LHX5: variants seen among roughly 807,000 people sequenced by gnomAD.
The protein encoded by LHX5 is LIM/homeobox protein Lhx5.
LHX5 carries 5 observed loss-of-function variants against 30.6 expected under a neutral mutation model. That is an observed-to-expected ratio of 0.16 (90% CI 0.09 to 0.34). LHX5 has a LOEUF of 0.34. Ranked by LOEUF, LHX5 falls within the 10% of genes least tolerant of loss-of-function variation. The pLI is 1.00. For missense variants in LHX5, 458 were observed against 570.6 expected, an observed-to-expected ratio of 0.80 and a Z score of 2.01; for synonymous variants, 266 against 252.6, an observed-to-expected ratio of 1.05 and a Z score of -0.50.
In LHX5 at chr12:113,466,340, G is replaced by A. The variant is rs752553845; in HGVS notation, c.841+916C>T. Among the ~76,000 whole-genome samples, 1 of 152,158 alleles carries A rather than the reference G, an allele frequency of 6.6e-6. No individual in the cohort carries two copies. Among genetic ancestry groups the A allele is most frequent in the Non-Finnish European group, 1.5e-5 (1 of 68,010 alleles). ...GCAATGCGGCTCAGGGTAAGGAGCTGAAAAAATCGGATAGGGGGAGTTGGG... is the reference window on the plus strand; with the variant it reads ...GCAATGCGGCTCAGGGTAAGGAGCTAAAAAAATCGGATAGGGGGAGTTGGG... On this transcript the variant is annotated intron_variant, in intron 4 of 4. Transcript: ENST00000261731. The surrounding 1 kb of genome is among the most constrained non-coding windows in gnomAD (Gnocchi z 6.5).
intron 1 of LHX5, among the ~76,000 whole-genome samples, chr12:113,470,683 C>T (rs1261063754): frequency 6.6e-6 from 1 of 152,238 alleles, no homozygotes; most frequent in East Asian, 1.9e-4. Flanking sequence ...CCCTGGCCAG[C>T]CACAGGGCCC....
Position 113,463,306 on chromosome 12 carries a change from G to T in LHX5, c.1093C>A (p.Pro365Thr). 2.6e-6 allele frequency: 4 copies of T among 1,533,268 alleles called. No individual in the cohort carries two copies. Among genetic ancestry groups the T allele is most frequent in the Non-Finnish European group, 3.5e-6 (4 of 1,142,236 alleles). The allele number at this position is 1,533,268 out of a possible 1,614,324, so 95.0% of individuals were successfully genotyped here. The part of the protein sequence containing the change: ...PGLPGTLHPM[P>T]GEVFSGGPSP... ...GGCCCGCCGCTGAATACCTCGCCGG[G>T]CATGGGGTGCAGCGTGCCCGGCAGG... is the stretch of plus-strand genomic sequence containing the variant. The change falls in exon 5 of 5, where the codon CCC (proline) becomes ACC (threonine). Residue 365 changes from proline to threonine, a missense_variant. Coordinates refer to ENST00000261731, the MANE Select transcript of LHX5 (RefSeq NM_022363.3). This position sits in a 1 kb window ranked among gnomAD's most constrained non-coding sequence, Gnocchi z 6.7.
rs1958187439 is a variant in LHX5, at chr12:113,463,229, C to A, written c.1170G>T (p.Ser390=). 1 of 1,524,532 alleles carries A rather than the reference C, an allele frequency of 6.6e-7. No homozygotes were observed. The highest frequency in any genetic ancestry group is 8.8e-7 in the Non-Finnish European group (1 of 1,141,196). The allele number at this position is 1,524,532 out of a possible 1,614,324, so 94.4% of individuals were successfully genotyped here. A position where few individuals can be genotyped will look rare whatever the true frequency, so the allele number is the denominator to read the frequency against. The change falls in exon 5 of 5, where the codon TCG becomes TCT. Residue 390 remains serine, a synonymous_variant. Coordinates refer to ENST00000261731, the MANE Select transcript of LHX5 (RefSeq NM_022363.3). This position sits in a 1 kb window ranked among gnomAD's most constrained non-coding sequence, Gnocchi z 6.7. ...CTTCGTTGAGCTCGGGGTTGGGATG[C>A]GACAGGGGTCCGCTGTAGCCGCTGG... ...SGTSGYSGPL[S]HPNPELNEAA...
In LHX5 at chr12:113,466,390, G is replaced by C. The variant is rs1958215479; in HGVS notation, c.841+866C>G. 6.6e-6 allele frequency among the ~76,000 whole-genome samples: 1 copy of C among 152,216 alleles called. No homozygotes were observed. The highest frequency in any genetic ancestry group is 2.1e-4 in the South Asian group (1 of 4,832). On this transcript the variant is annotated intron_variant, in intron 4 of 4. Coordinates refer to ENST00000261731, the MANE Select transcript of LHX5 (RefSeq NM_022363.3). This position sits in a 1 kb window ranked among gnomAD's most constrained non-coding sequence, Gnocchi z 6.5. ...GATGGCTCACCAATCCAGTGTGAGGGAAGTGAGAGGAGGAAAAGCTGAGGT... is the reference window on the plus strand; with the variant it reads ...GATGGCTCACCAATCCAGTGTGAGGCAAGTGAGAGGAGGAAAAGCTGAGGT...
At position 113,463,579 on chromosome 12, in the gene LHX5, GAGAC is replaced by G; in HGVS notation, c.842-26_842-23del. Reference sequence around the variant, plus strand: ...TAGTCTGCGGAGGGGGAGCGGGAAGGAGACAGGGCGCGGTGAGAGAAGGCGAAGT... The same window carrying G: ...TAGTCTGCGGAGGGGGAGCGGGAAGGAGGGCGCGGTGAGAGAAGGCGAAGT... On this transcript the variant is annotated intron_variant, in intron 4 of 4. Coordinates refer to ENST00000261731, the MANE Select transcript of LHX5 (RefSeq NM_022363.3). This position sits in a 1 kb window ranked among gnomAD's most constrained non-coding sequence, Gnocchi z 6.7. The G allele has an allele frequency of 2.0e-6, 3 of 1,496,232 alleles. No individual in the cohort carries two copies. Among genetic ancestry groups the G allele is most frequent in the Non-Finnish European group, 2.7e-6 (3 of 1,128,934 alleles). 92.7% of individuals were successfully genotyped at this position (1,496,232 alleles called of 1,614,324 possible). A position where few individuals can be genotyped will look rare whatever the true frequency, so the allele number is the denominator to read the frequency against.
At chr12:113,468,483 G>A in intron 2 of LHX5, 79 bp from the exon 3 acceptor site, 1 of 1,468,958 alleles carries the variant, frequency 6.8e-7, no homozygotes, top group Non-Finnish European at 9.1e-7. Context: ...GCGGGTTCCC[G>A]CCGGCCCAAG....
rs1023425298 is a variant in LHX5, at chr12:113,463,079, C to T, written c.*111G>A. ...TTGAGTGCGGACCCGAGAGAGAACC[C>T]CCGAGGGACACCCACGTCTCCCACC... On this transcript the variant is annotated 3_prime_UTR_variant, in exon 5 of 5. Transcript: ENST00000261731. The surrounding 1 kb of genome is among the most constrained non-coding windows in gnomAD (Gnocchi z 6.7). 9.3e-5 allele frequency: 90 copies of T among 967,668 alleles called. 1 individual carries two copies. The highest frequency in any genetic ancestry group is 6.8e-5 in the Non-Finnish European group (47 of 693,084). 59.9% of individuals were successfully genotyped at this position (967,668 alleles called of 1,614,324 possible).
chr12:113,463,540 A>G lies in LHX5; in HGVS notation c.859T>C (p.Tyr287His). 1 of 1,552,906 alleles carries G rather than the reference A, an allele frequency of 6.4e-7. No homozygotes were observed. Among genetic ancestry groups the G allele is most frequent in the Non-Finnish European group, 8.6e-7 (1 of 1,157,456 alleles). The change falls in exon 5 of 5, where the codon TAC becomes CAC. Residue 287 changes from tyrosine (Y) to histidine (H), a missense_variant. By Grantham distance (83) the Tyr-to-His change is moderately conservative. This residue lies in a region of LHX5 where 255 missense variants were observed against 246.8 expected (regional missense o/e 1.03). Coordinates refer to ENST00000261731, the MANE Select transcript of LHX5 (RefSeq NM_022363.3). This position sits in a 1 kb window ranked among gnomAD's most constrained non-coding sequence, Gnocchi z 6.7. The stretch of plus-strand genomic sequence containing the variant: ...AAGTCGTAGTTGCTTCCCGGCGCGT[A>G]GTAGTCGCCTTGGTAGTCTGCGGAG... The part of the protein sequence containing the change: ...TYYGDYQGDY[Y>H]APGSNYDFFA...
intron 2 of LHX5, among the ~76,000 whole-genome samples, chr12:113,468,871 C>T (rs1431240638): frequency 1.3e-5 from 2 of 152,226 alleles, no homozygotes; most frequent in Admixed American, 1.3e-4. Flanking sequence ...AGGAGGGCAA[C>T]TTGGAAAAGG....
rs543517879 is a variant in LHX5, at chr12:113,466,133, C to T, written c.841+1123G>A. Among the ~76,000 whole-genome samples, 12 of 152,216 alleles carry T rather than the reference C, an allele frequency of 7.9e-5. No individual in the cohort carries two copies. The highest frequency in any genetic ancestry group is 1.6e-4 in the Non-Finnish European group (11 of 68,038). On this transcript the variant is annotated intron_variant, in intron 4 of 4. Coordinates refer to ENST00000261731, the MANE Select transcript of LHX5 (RefSeq NM_022363.3). This position sits in a 1 kb window ranked among gnomAD's most constrained non-coding sequence, Gnocchi z 6.5. ...TGCCTTGCTAACACTGCCACTGAAC[C>T]CACTTTCTAAGAGAAATTGCCTCTT...
rs1315607064 is a variant in LHX5 at position 113,465,332 on chromosome 12, G to A, written c.842-1775C>T. On this transcript the variant is annotated intron_variant, in intron 4 of 4. Transcript: ENST00000261731. This position sits in a 1 kb window ranked among gnomAD's most constrained non-coding sequence, Gnocchi z 6.7. ...GCGGCGAGCCGGAAAACCAGCGAAGGCCGCTGCCCCCGCGCCGTGCGCGCC... is the reference window on the plus strand; with the variant it reads ...GCGGCGAGCCGGAAAACCAGCGAAGACCGCTGCCCCCGCGCCGTGCGCGCC... Among the ~76,000 whole-genome samples, 1 of 152,236 alleles carries A rather than the reference G, an allele frequency of 6.6e-6. No homozygotes were observed.
intron 3 of LHX5, 108 bp downstream of exon 3, chr12:113,468,019 C>A: frequency 7.1e-7 from 1 of 1,411,052 alleles, no homozygotes; most frequent in Non-Finnish European, 9.3e-7. Context: ...TGCTCCCAGA[C>A]CAGAACCAGG....
chr12:113,467,310 C>A lies in LHX5; in HGVS notation c.787G>T (p.Gly263Cys). The change falls in exon 4 of 5, where the codon GGC becomes TGC. Residue 263 changes from glycine to cysteine, a missense_variant. By Grantham distance (159) the Gly-to-Cys change is radical (BLOSUM62 -3). This residue lies in a region of LHX5 where 255 missense variants were observed against 246.8 expected (regional missense o/e 1.03). Coordinates refer to ENST00000261731, the MANE Select transcript of LHX5 (RefSeq NM_022363.3). The surrounding 1 kb of genome is among the most constrained non-coding windows in gnomAD (Gnocchi z 6.3). ...AACATCTCAGACTCGTCCAAGCGGC[C>A]GCCCAGCGGACGCATGCGCCGCGGA... Reference protein sequence around the residue: ...RSPRRMRPLGGRLDESEMLGS... With the variant: ...RSPRRMRPLGCRLDESEMLGS... 3.2e-6 allele frequency: 5 copies of A among 1,565,656 alleles called. No homozygotes were observed. Among genetic ancestry groups the A allele is most frequent in the South Asian group, 2.3e-5 (2 of 85,316 alleles).
chr12:113,463,048 T>C lies in LHX5; in HGVS notation c.*142A>G, dbSNP rs1357789248. On this transcript the variant is annotated 3_prime_UTR_variant, in exon 5 of 5. Transcript: ENST00000261731. This position sits in a 1 kb window ranked among gnomAD's most constrained non-coding sequence, Gnocchi z 6.7. ...CCTCGGCGCCCAGCCGAGGAGCAGC[T>C]GCCAGTTGAGTGCGGACCCGAGAGA... is the stretch of plus-strand genomic sequence containing the variant. The C allele has an allele frequency of 2.8e-6, 2 of 723,968 alleles. No homozygotes were observed. Among genetic ancestry groups the C allele is most frequent in the African/African-American group, 3.8e-5 (2 of 52,440 alleles). 44.8% of individuals were successfully genotyped at this position (723,968 alleles called of 1,614,324 possible).
In LHX5 at chr12:113,463,663, G is replaced by T; in HGVS notation, c.842-106C>A. Reference sequence around the variant, plus strand: ...ACCCGGGCGGGCGAGAGAGGGGAGCGCGCGACACCGACCCAAGGTTAGAGA... The same window carrying T: ...ACCCGGGCGGGCGAGAGAGGGGAGCTCGCGACACCGACCCAAGGTTAGAGA... On this transcript the variant is annotated intron_variant, in intron 4 of 4. Transcript: ENST00000261731. The surrounding 1 kb of genome is among the most constrained non-coding windows in gnomAD (Gnocchi z 6.7). 8.2e-7 allele frequency: 1 copy of T among 1,215,126 alleles called. No homozygotes were observed. The highest frequency in any genetic ancestry group is 1.1e-6 in the Non-Finnish European group (1 of 900,428). 75.3% of individuals were successfully genotyped at this position (1,215,126 alleles called of 1,614,324 possible).
intron 1 of LHX5, among the ~76,000 whole-genome samples, chr12:113,469,658 C>G (rs1958235728): frequency 6.6e-6 from 1 of 152,216 alleles, no homozygotes. Context: ...CCCCCAAACC[C>G]AACCCCTGCC....
At chr12:113,469,589 G>A (rs1438491166) in intron 1 of LHX5, among the ~76,000 whole-genome samples, 1 of 152,244 alleles carries the variant, frequency 6.6e-6, no homozygotes, top group East Asian at 1.9e-4. Context: ...CTGGGAAGGG[G>A]TGAGCAGTGG....
chr12:113,468,999 C>T, intron 2 of LHX5, 123 bp downstream of exon 2: 2 of 735,096 alleles, frequency 2.7e-6, no homozygotes, highest in Non-Finnish European at 2.2e-6. Flanking sequence ...CTAGAACTGC[C>T]TGGGGCTGAT....
At chr12:113,469,386 A>T (rs759104831) in intron 1 of LHX5, 41 bp from the exon 2 acceptor site, 3 of 1,561,352 alleles carry the variant, frequency 1.9e-6, no homozygotes, top group South Asian at 2.3e-5. Flanking sequence ...GTGGGACTGC[A>T]TCCAGCCCTC....
Sources: gnomAD v4.1 joint callset for allele counts (sites outside exome capture counted in the v4.1 genomes callset) on GRCh38, gnomAD v4.1.1 for gene constraint, gnomAD v4.1.1 regional missense constraint, Gnocchi (gnomAD v3.1) non-coding constraint, MANE v1.5 for transcripts, NCBI Gene and HGNC (gene_info 2026-07-23, HGNC 2026-07-21) for gene names.